The following PCMT1 variants were observed in gnomAD, a reference collection of about 807,000 sequenced individuals.
PCMT1 encodes the protein protein-L-isoaspartate (D-aspartate) O-methyltransferase, also known as protein-L-isoaspartate(D-aspartate) O-methyltransferase.
Under a neutral mutation model 29.2 loss-of-function variants are expected in PCMT1, and 9 were observed. The ratio of observed to expected loss-of-function variants is 0.31; its 90% CI spans 0.19 to 0.54. The LOEUF (loss-of-function observed/expected upper bound fraction) is 0.54, where lower values mean the gene tolerates loss of function less well. Among genes scored for constraint, PCMT1 ranks in the 20% least tolerant of loss-of-function variants. The pLI, the probability that PCMT1 is intolerant of heterozygous loss-of-function variation, is 0.95. For missense variants in PCMT1, 184 were observed against 282.2 expected (o/e 0.65, Z 2.49); for synonymous variants, 98 against 97.5 (o/e 1.00, Z -0.03).
rs1198680901 is a variant in PCMT1 at position 149,749,796 on chromosome 6, G to T, written c.-106G>T. 1.3e-6 allele frequency: 2 copies of T among 1,551,918 alleles called. No individual in the cohort carries two copies. Among genetic ancestry groups the T allele is most frequent in the Admixed American group, 2.0e-5 (1 of 51,026 alleles). ...ACAGCGGCAGCTACAGCGGGGACGC[G>T]AGCGGGGCGGTGACGGTGTGGGAGG... On this transcript the variant is annotated 5_prime_UTR_variant, in exon 1 of 8. Coordinates refer to ENST00000464889, the MANE Select transcript of PCMT1 (RefSeq NM_001360452.2).
Position 149,793,609 on chromosome 6 carries a change from G to T in PCMT1, c.358G>T (p.Val120Leu), listed in dbSNP as rs4816. 2 of 1,566,848 alleles carry T rather than the reference G, an allele frequency of 1.3e-6. No individual in the cohort carries two copies. The highest frequency in any genetic ancestry group is 4.1e-5 in the Admixed American group (2 of 49,212). The change falls in exon 5 of 8, where the codon GTA becomes TTA. Residue 120 changes from valine to leucine, a missense_variant. Transcript: ENST00000464889. Reference protein sequence around the residue: ...DHIKELVDDSVNNVRKDDPTL... With the variant: ...DHIKELVDDSLNNVRKDDPTL... ...CATTAAAGAGCTAGTAGATGACTCAGTAAATAATGTCAGGAAGGACGATCC... is the reference window on the plus strand; with the variant it reads ...CATTAAAGAGCTAGTAGATGACTCATTAAATAATGTCAGGAAGGACGATCC...
Position 149,749,855 on chromosome 6 carries a change from TCGTCG to T in PCMT1, c.-44_-40del, listed in dbSNP as rs749232604. 8 of 1,589,942 alleles carry T rather than the reference TCGTCG, an allele frequency of 5.0e-6. No individual in the cohort carries two copies. In the Admixed American group the frequency reaches 1.4e-4, roughly 29 times the overall value. On this transcript the variant is annotated 5_prime_UTR_variant, in exon 1 of 8. Transcript: ENST00000464889. ...CTCTTGGGAAAACTGCTGGGCACCG[TCGTCG>T]CGCTGAAGGTGGTTCTGTACCTGCT...
intron 3 of PCMT1, among the ~76,000 whole-genome samples, chr6:149,774,731 G>A (rs1388804470): frequency 2.2e-5 from 3 of 137,538 alleles, no homozygotes; most frequent in East Asian, 2.1e-4. Context: ...TTTTTGAGAC[G>A]GACTCTCACC....
chr6:149,751,806 A>AT (rs569186906), intron 1 of PCMT1, among the ~76,000 whole-genome samples: 272 of 149,158 alleles, frequency 1.8e-3, no homozygotes, highest in Non-Finnish European at 3.0e-3. Flanking sequence ...GTCATTTTGG[A>AT]TTTTTTTTTG....
chr6:149,789,164 C>T (rs1394796746), intron 3 of PCMT1, among the ~76,000 whole-genome samples: 1 of 150,478 alleles, frequency 6.6e-6, no homozygotes, highest in Admixed American at 6.7e-5. Flanking sequence ...GCAATCTCCC[C>T]GTCCCGGGTT....
intron 3 of PCMT1, among the ~76,000 whole-genome samples, chr6:149,776,027 C>T (rs374353054): frequency 2.8e-4 from 42 of 151,942 alleles, no homozygotes; most frequent in South Asian, 8.3e-4. Context: ...GGCGTGGTGG[C>T]GCATGCCTGT....
chr6:149,781,686 CT>C (rs1467401572), intron 3 of PCMT1, among the ~76,000 whole-genome samples: 10 of 152,086 alleles, frequency 6.6e-5, no homozygotes, highest in Non-Finnish European at 4.4e-5. Flanking sequence ...GGTTATTTGT[CT>C]TTTCATTGTT....
intron 3 of PCMT1, among the ~76,000 whole-genome samples, chr6:149,774,985 G>A (rs1317143180): frequency 3.3e-5 from 5 of 152,088 alleles, no homozygotes; most frequent in Non-Finnish European, 7.3e-5. Flanking sequence ...GGGATTACAG[G>A]CGTGAGCCAC....
rs1206333095 is a variant in PCMT1 at position 149,765,653 on chromosome 6, TTTTA to T, written c.56-5505_56-5502del. Reference sequence around the variant, plus strand: ...ATAGTGTCGTTAATTGACCTTATTTTTTTATTTTTTATTTTTTATTTTTTATTTT... The same window carrying T: ...ATAGTGTCGTTAATTGACCTTATTTTTTTTTTATTTTTTATTTTTTATTTT... On this transcript the variant is annotated intron_variant, in intron 1 of 7. Transcript: ENST00000464889. 1.1e-5 allele frequency: 4 copies of T among 372,618 alleles called. No individual in the cohort carries two copies. In the Admixed American group the frequency reaches 1.4e-4, roughly 13 times the overall value. 23.1% of individuals were successfully genotyped at this position (372,618 alleles called of 1,614,324 possible).
At chr6:149,780,689 C>T (rs566516455) in intron 3 of PCMT1, among the ~76,000 whole-genome samples, 16 of 152,148 alleles carry the variant, frequency 1.1e-4, no homozygotes, top group Non-Finnish European at 1.3e-4. Context: ...TGAATCAGTA[C>T]TTCTGTCCTT....
chr6:149,793,721 A>T (rs553408074), intron 5 of PCMT1, 52 bp downstream of exon 5: 6 of 1,463,660 alleles, frequency 4.1e-6, no homozygotes, highest in Non-Finnish European at 5.5e-6. Flanking sequence ...TATTTTCAGA[A>T]GATCCAATGC....
At position 149,810,768 on chromosome 6, in the gene PCMT1, T is replaced by G. The variant is rs974645488; in HGVS notation, c.*190T>G. ...TTTCAGCATGAAAATGTGTGTTTTTTTAGGGTTTCTGATTCTTCAAAGAGG... is the reference window on the plus strand; with the variant it reads ...TTTCAGCATGAAAATGTGTGTTTTTGTAGGGTTTCTGATTCTTCAAAGAGG... On this transcript the variant is annotated 3_prime_UTR_variant, in exon 8 of 8. Coordinates refer to ENST00000464889, the MANE Select transcript of PCMT1 (RefSeq NM_001360452.2). 3.2e-6 allele frequency: 2 copies of G among 625,228 alleles called. No homozygotes were observed. The highest frequency in any genetic ancestry group is 5.3e-6 in the Non-Finnish European group (2 of 374,794). The allele number at this position is 625,228 out of a possible 1,614,324, so 38.7% of individuals were successfully genotyped here.
intron 1 of PCMT1, among the ~76,000 whole-genome samples, chr6:149,763,147 C>A (rs1786909865): frequency 2.0e-5 from 1 of 50,624 alleles, no homozygotes; most frequent in Non-Finnish European, 2.8e-5. Context: ...ATATATATAT[C>A]TATGATATAT....
intron 1 of PCMT1, among the ~76,000 whole-genome samples, chr6:149,762,713 AT>A: frequency 2.4e-5 from 1 of 41,100 alleles, no homozygotes; most frequent in Non-Finnish European, 3.2e-5. Flanking sequence ...TGATATATAT[AT>A]CTATGATATA....
At chr6:149,758,154 G>T (rs1168776597) in intron 1 of PCMT1, among the ~76,000 whole-genome samples, 1 of 149,154 alleles carries the variant, frequency 6.7e-6, no homozygotes, top group Non-Finnish European at 1.5e-5. Flanking sequence ...AAAGTGCTAG[G>T]ATTACAGGAG....
At chr6:149,775,606 G>A (rs1393429457) in intron 3 of PCMT1, among the ~76,000 whole-genome samples, 2 of 152,132 alleles carry the variant, frequency 1.3e-5, no homozygotes, top group African/African-American at 4.8e-5. Flanking sequence ...TACAAGGGAG[G>A]CCAAGGCAGA....
intron 1 of PCMT1, among the ~76,000 whole-genome samples, chr6:149,769,530 T>C (rs927347009): frequency 1.3e-5 from 2 of 151,638 alleles, no homozygotes; most frequent in Non-Finnish European, 2.9e-5. Context: ...GACAGGCTGG[T>C]CTCAAACTCC....
chr6:149,796,296 G>A (rs1788609311), intron 5 of PCMT1, 119 bp from the exon 6 acceptor site: 1 of 559,654 alleles, frequency 1.8e-6, no homozygotes, highest in Admixed American at 2.9e-5. Flanking sequence ...ATATCCAGTT[G>A]TCCCAGGATC....
At chr6:149,752,237 T>G (rs1453726200) in intron 1 of PCMT1, among the ~76,000 whole-genome samples, 1 of 151,456 alleles carries the variant, frequency 6.6e-6, no homozygotes, top group Non-Finnish European at 1.5e-5. Flanking sequence ...TGCTCTTGTT[T>G]CCCAAGCTGG....
Sources: allele counts gnomAD v4.1 joint callset (sites outside exome capture counted in the v4.1 genomes callset), GRCh38; gene constraint gnomAD v4.1.1; transcripts MANE v1.5; gene names NCBI Gene and HGNC (gene_info 2026-07-23, HGNC 2026-07-21).